Variants in SPRY3 observed in about 807,000 individuals in gnomAD.
SPRY3 encodes protein sprouty homolog 3.
Under a neutral mutation model 20.2 loss-of-function variants are expected in SPRY3, and 15 were observed. The observed-to-expected ratio is 0.74, with a 90% CI of 0.50 to 1.14. The LOEUF is 1.14. SPRY3 is among the 50% of genes most tolerant of loss of function. The pLI is 0.00. For missense variants in SPRY3, 364 were observed against 363.9 expected (o/e 1.00, Z 0.00); for synonymous variants, 143 against 136.5 (o/e 1.05, Z -0.33).
Position 155,697,522 on chromosome X carries a change from C to CACACACATAT in SPRY3, c.-282+40498_-282+40499insCACACATATA, listed in dbSNP as rs750002413. On this transcript the variant is annotated intron_variant, in intron 2 of 3. Coordinates refer to ENST00000675360, the Ensembl canonical transcript of SPRY3. ...ACATACACACACACACACACACACA[C>CACACACATAT]ATATATATATATATACACATATATA... Among the ~76,000 whole-genome samples the CACACACATAT allele has an allele frequency of 3.4e-3, 333 of 99,328 alleles. 3 individuals carry two copies. Among genetic ancestry groups the CACACACATAT allele is most frequent in the East Asian group, 7.5e-3 (24 of 3,183 alleles). 86.3% of individuals were successfully genotyped at this position (99,328 alleles called of 115,157 possible).
At chrX:155,729,811 A>C (rs1238076672) in intron 2 of SPRY3, among the ~76,000 whole-genome samples, 1 of 152,054 alleles carries the variant, frequency 6.6e-6, no homozygotes, top group Non-Finnish European at 1.5e-5. Flanking sequence ...AACTTTAGAC[A>C]GACTCACTAA....
chrX:155,751,930 A>AAATAAAAT (rs980534978), intron 2 of SPRY3, among the ~76,000 whole-genome samples: 2 of 26,424 alleles, frequency 7.6e-5, no homozygotes, highest in Non-Finnish European at 1.1e-4. Context: ...AAGGGAAATA[A>AAATAAAAT]AATAAAATAA....
intron 2 of SPRY3, among the ~76,000 whole-genome samples, chrX:155,749,875 C>G (rs907125156): frequency 5.3e-5 from 8 of 151,356 alleles, no homozygotes; most frequent in African/African-American, 1.9e-4. Context: ...TTTTGAATAC[C>G]CAGTGGGATA....
chrX:155,727,867 G>C (rs1316575875), intron 2 of SPRY3, among the ~76,000 whole-genome samples: 1 of 152,130 alleles, frequency 6.6e-6, no homozygotes, highest in Non-Finnish European at 1.5e-5. Context: ...CAATTCTTTG[G>C]AGGAGAAGAG....
intron 1 of SPRY3, among the ~76,000 whole-genome samples, chrX:155,650,313 G>C (rs1052266817): frequency 4.5e-5 from 5 of 111,593 alleles, no homozygotes; most frequent in African/African-American, 1.6e-4. Context: ...ACAATCCTAA[G>C]CAAACAAAAC....
intron 1 of SPRY3, among the ~76,000 whole-genome samples, chrX:155,629,180 C>T (rs782479288): frequency 5.1e-5 from 4 of 78,241 alleles, no homozygotes; most frequent in Admixed American, 1.7e-4. Flanking sequence ...TGACAGACGC[C>T]GGTGTGTGAT....
chrX:155,777,850 C>A (rs1170512769), downstream of SPRY3: 1 of 166,334 alleles, frequency 6.0e-6, no homozygotes. Context: ...CTACTGCCTT[C>A]CACATATTGG....
intron 2 of SPRY3, among the ~76,000 whole-genome samples, chrX:155,716,939 G>C (rs1239292074): frequency 7.0e-6 from 1 of 143,502 alleles, no homozygotes; most frequent in Non-Finnish European, 1.5e-5. Flanking sequence ...TTCAAGACCA[G>C]CCTGGGCAAC....
rs1448608937 is a variant in SPRY3, at chrX:155,774,319, T to C, written c.448T>C (p.Cys150Arg). 4 of 1,614,032 alleles carry C rather than the reference T, an allele frequency of 2.5e-6. No homozygotes were observed. In the South Asian group the frequency reaches 4.4e-5, roughly 18 times the overall value. The change falls in exon 4 of 4, where the codon TGT becomes CGT. Residue 150 changes from cysteine (C) to arginine (R), a missense_variant. Physicochemically the swap from Cys to Arg is radical, Grantham distance 180. Coordinates refer to ENST00000675360, the Ensembl canonical transcript of SPRY3. ...TGAGCACCTCTTCATCTGTGAGGAA[T>C]GTGGGCGCTGCAAGTGCGTCCCCTG...
intron 1 of SPRY3, among the ~76,000 whole-genome samples, chrX:155,652,286 T>A (rs1467559347): frequency 8.9e-6 from 1 of 111,957 alleles, no homozygotes; most frequent in African/African-American, 3.2e-5. Flanking sequence ...TACAATTAAA[T>A]TATTATTGAC....
At chrX:155,694,613 A>G (rs1221802345) in intron 2 of SPRY3, among the ~76,000 whole-genome samples, 1 of 111,772 alleles carries the variant, frequency 8.9e-6, no homozygotes, top group African/African-American at 3.3e-5. Context: ...ATAATGAAAT[A>G]ATTATACAAC....
intron 2 of SPRY3, among the ~76,000 whole-genome samples, chrX:155,746,949 A>G (rs1460229147): frequency 6.6e-6 from 1 of 151,860 alleles, no homozygotes; most frequent in Non-Finnish European, 1.5e-5. Context: ...CTCTTTCTTT[A>G]AATCTTTTAT....
chrX:155,773,913 T>C, exon 4 of SPRY3: 1 of 1,613,928 alleles, frequency 6.2e-7, no homozygotes, highest in Non-Finnish European at 8.5e-7. Flanking sequence ...AAATTCTGCC[T>C]ATTGAACAGC....
intron 1 of SPRY3, among the ~76,000 whole-genome samples, chrX:155,635,014 T>A (rs1325845935): frequency 9.1e-6 from 1 of 109,681 alleles, no homozygotes; most frequent in Non-Finnish European, 1.9e-5. Flanking sequence ...ATTAGGTATT[T>A]CTCCTAATGC....
At chrX:155,769,831 G>A (rs888187495) in intron 3 of SPRY3, among the ~76,000 whole-genome samples, 16 of 152,126 alleles carry the variant, frequency 1.1e-4, no homozygotes, top group East Asian at 3.9e-4. Context: ...AGATGTATGC[G>A]GTAGGAGGGA....
intron 1 of SPRY3, among the ~76,000 whole-genome samples, chrX:155,619,512 A>ACTCTAC (rs2067864573): frequency 9.1e-6 from 1 of 110,231 alleles, no homozygotes; most frequent in Admixed American, 9.7e-5. Flanking sequence ...TGAACCTCAA[A>ACTCTAC]CTCTACCTCA....
chrX:155,780,162 C>G (rs778913243), downstream of SPRY3: 2 of 166,952 alleles, frequency 1.2e-5, no homozygotes, highest in East Asian at 3.8e-4. Context: ...GAAGGTAATT[C>G]TAACCCACAC....
chrX:155,650,572 A>G (rs2067973586), intron 1 of SPRY3, among the ~76,000 whole-genome samples: 1 of 112,122 alleles, frequency 8.9e-6, no homozygotes, highest in African/African-American at 3.2e-5. Context: ...GCAGCGTTCT[A>G]TATATGTCAA....
At chrX:155,630,447 A>G (rs1457900730) in intron 1 of SPRY3, among the ~76,000 whole-genome samples, 1 of 111,630 alleles carries the variant, frequency 9.0e-6, no homozygotes, top group Non-Finnish European at 1.9e-5. Context: ...TGTTTGTCTG[A>G]GAAAGTCTTT....
Sources: allele counts gnomAD v4.1 joint callset (sites outside exome capture counted in the v4.1 genomes callset), GRCh38; gene constraint gnomAD v4.1.1; transcripts MANE v1.5; gene names NCBI Gene and HGNC (gene_info 2026-07-23, HGNC 2026-07-21).